The following ERG variants were observed in gnomAD, a reference collection of about 807,000 sequenced individuals.
ERG encodes the protein ETS transcription factor ERG.
ERG carries 9 observed loss-of-function variants against 55.3 expected under a neutral mutation model. That is an observed-to-expected ratio of 0.16 (90% CI 0.10 to 0.28). The LOEUF (loss-of-function observed/expected upper bound fraction) is 0.28, where lower values mean the gene tolerates loss of function less well. Among genes scored for constraint, ERG ranks in the 10% least tolerant of loss-of-function variants. The probability of loss-of-function intolerance (pLI) is 1.00; values close to 1 mark genes in which losing one functional copy is unlikely to be tolerated. For synonymous variants in ERG, 223 were observed against 237.3 expected (o/e 0.94, Z 0.55); for missense variants, 434 against 631.6 (o/e 0.69, Z 3.35).
At chr21:38,604,286 T>C (rs1035686208) in intron 1 of ERG, among the ~76,000 whole-genome samples, 1 of 151,776 alleles carries the variant, frequency 6.6e-6, no homozygotes, top group Non-Finnish European at 1.5e-5. Context: ...GTTTTATGTC[T>C]TAATAGCAAA....
intron 1 of ERG, among the ~76,000 whole-genome samples, chr21:38,597,769 G>A (rs1040741321): frequency 1.3e-5 from 2 of 152,096 alleles, no homozygotes; most frequent in Admixed American, 6.5e-5. Context: ...ACATCACAGA[G>A]CCCACACCAA....
intron 4 of ERG, among the ~76,000 whole-genome samples, chr21:38,402,942 C>T (rs556130333): frequency 6.6e-5 from 10 of 152,286 alleles, no homozygotes; most frequent in African/African-American, 2.4e-4. Flanking sequence ...ACTTCCTTCT[C>T]ACCATGCTGG....
upstream of ERG, among the ~76,000 whole-genome samples, chr21:38,501,688 C>T (rs1312153378): frequency 1.3e-5 from 2 of 152,096 alleles, no homozygotes; most frequent in African/African-American, 4.8e-5. Context: ...TTTTCACTCT[C>T]CTTGAGATGC....
intron 6 of ERG, among the ~76,000 whole-genome samples, chr21:38,393,459 C>T (rs1988069247): frequency 6.6e-6 from 1 of 152,198 alleles, no homozygotes; most frequent in Non-Finnish European, 1.5e-5. Context: ...AGTTCAATGT[C>T]ATGTGTCATT....
chr21:38,398,095 A>G (rs1988315807), intron 6 of ERG, among the ~76,000 whole-genome samples: 1 of 152,160 alleles, frequency 6.6e-6, no homozygotes, highest in Non-Finnish European at 1.5e-5. Context: ...CCTTTCTGAA[A>G]GTAGTCAGGT....
intron 1 of ERG, among the ~76,000 whole-genome samples, chr21:38,484,428 CACAA>C (rs2059265471): frequency 6.6e-6 from 1 of 152,176 alleles, no homozygotes; most frequent in African/African-American, 2.4e-5. Flanking sequence ...CTCCCCATTG[CACAA>C]ACACATTCAT....
chr21:38,552,107 CT>C (rs2059828062), intron 2 of ERG, among the ~76,000 whole-genome samples: 1 of 152,050 alleles, frequency 6.6e-6, no homozygotes, highest in South Asian at 2.1e-4. Context: ...CCTTCTTTGT[CT>C]TTTTTGATCA....
intron 2 of ERG, among the ~76,000 whole-genome samples, chr21:38,506,738 C>T (rs2836451): frequency 0.048 from 7,336 of 152,108 alleles, 248 homozygotes; most frequent in East Asian, 0.19. Context: ...ACCAAGGAAT[C>T]GTGAGGTCAA....
chr21:38,586,052 T>C (rs571147760), upstream of ERG, among the ~76,000 whole-genome samples: 6 of 152,094 alleles, frequency 3.9e-5, no homozygotes, highest in South Asian at 1.2e-3. Flanking sequence ...TCATGGTCTT[T>C]GGCTTTCCAG....
chr21:38,503,948 C>T (rs2059440928), intron 2 of ERG, among the ~76,000 whole-genome samples: 1 of 152,098 alleles, frequency 6.6e-6, no homozygotes, highest in Admixed American at 6.6e-5. Flanking sequence ...CTGTTCACAG[C>T]ATACTTCATG....
intron 2 of ERG, among the ~76,000 whole-genome samples, chr21:38,527,564 G>A (rs767892960): frequency 6.6e-6 from 1 of 152,160 alleles, no homozygotes; most frequent in Non-Finnish European, 1.5e-5. Flanking sequence ...CACCAGGAAG[G>A]GTCTGAAGAG....
chr21:38,620,128 CAG>C (rs2060281613), intron 1 of ERG, among the ~76,000 whole-genome samples: 1 of 152,228 alleles, frequency 6.6e-6, no homozygotes, highest in Admixed American at 6.5e-5. Context: ...GTGTTAGATA[CAG>C]AGAGTCCATA....
upstream of ERG, among the ~76,000 whole-genome samples, chr21:38,502,161 A>G (rs2146701091): frequency 6.6e-6 from 1 of 152,340 alleles, no homozygotes; most frequent in East Asian, 1.9e-4. Context: ...TGACTCATTC[A>G]CGTCTTTATC....
At chr21:38,426,554 C>T (rs1182008573) in intron 2 of ERG, among the ~76,000 whole-genome samples, 1 of 152,076 alleles carries the variant, frequency 6.6e-6, no homozygotes, top group East Asian at 1.9e-4. Context: ...AAGTGCCGGC[C>T]GTATACCAGG....
At position 38,536,500 on chromosome 21, in the gene ERG, A is replaced by C. The variant is rs141114882; in HGVS notation, c.-41+39162T>G. 5.7e-3 allele frequency among the ~76,000 whole-genome samples: 863 copies of C among 152,238 alleles called. 7 individuals are homozygous for C. Among genetic ancestry groups the C allele is most frequent in the African/African-American group, 0.02 (817 of 41,538 alleles). On this transcript the variant is annotated intron_variant, in intron 2 of 8. Coordinates refer to the ERG transcript ENST00000398897. The stretch of plus-strand genomic sequence containing the variant: ...TCTGGGACGTCAGCGTCTCCTCTGC[A>C]TCCCCTAGCATTTTATGCATCCTCT...
chr21:38,397,584 G>A (rs1395374304), intron 6 of ERG, among the ~76,000 whole-genome samples: 1 of 112,428 alleles, frequency 8.9e-6, no homozygotes, highest in Non-Finnish European at 1.7e-5. Flanking sequence ...GCAACAGAGT[G>A]AGACTCCATC....
chr21:38,622,581 CCA>C (rs1224030621), intron 1 of ERG, among the ~76,000 whole-genome samples: 1 of 149,000 alleles, frequency 6.7e-6, no homozygotes, highest in Non-Finnish European at 1.5e-5. Flanking sequence ...CTCATATGTA[CCA>C]CACACACCAC....
rs538497247 is a variant in ERG, at chr21:38,498,241, T to C, written c.18+122A>G. 10 of 814,228 alleles carry C rather than the reference T, an allele frequency of 1.2e-5. No homozygotes were observed. The highest frequency in any genetic ancestry group is 1.2e-4 in the African/African-American group (7 of 57,286). 50.4% of individuals were successfully genotyped at this position (814,228 alleles called of 1,614,324 possible). On this transcript the variant is annotated intron_variant, in intron 1 of 9. Coordinates refer to ENST00000288319, the MANE Select transcript of ERG (RefSeq NM_182918.4). The surrounding 1 kb of genome is among the most constrained non-coding windows in gnomAD (Gnocchi z 4.6). Reference sequence around the variant, plus strand: ...CTAGGCAGTGCAAAGGAAATCTTGTTGTCCTCTATTGTGGCAGTGGGGGTG... The same window carrying C: ...CTAGGCAGTGCAAAGGAAATCTTGTCGTCCTCTATTGTGGCAGTGGGGGTG...
the ERG span, among the ~76,000 whole-genome samples, chr21:38,373,328 A>T: frequency 2.0e-5 from 3 of 152,190 alleles, no homozygotes; most frequent in Admixed American, 6.5e-5. Context: ...TTGTTTTCAA[A>T]AATTTCCCCA....
Sources: allele counts gnomAD v4.1 joint callset (sites outside exome capture counted in the v4.1 genomes callset), GRCh38; gene constraint gnomAD v4.1.1; non-coding constraint Gnocchi (gnomAD v3.1); transcripts MANE v1.5; gene names NCBI Gene and HGNC (gene_info 2026-07-23, HGNC 2026-07-21).